HEATR4: variants seen among roughly 807,000 people sequenced by gnomAD.
HEATR4 encodes HEAT repeat-containing protein 4.
A neutral mutation model predicts 108.8 loss-of-function variants in HEATR4; 95 were observed. That is an observed-to-expected ratio of 0.87 (90% CI 0.74 to 1.04). HEATR4 has a LOEUF of 1.04. Among genes scored for constraint, HEATR4 ranks in the 50% least tolerant of loss-of-function variants. The pLI, the probability that HEATR4 is intolerant of heterozygous loss-of-function variation, is 0.00. For synonymous variants in HEATR4, 443 were observed against 459.4 expected, an observed-to-expected ratio of 0.96 and a Z score of 0.46; for missense variants, 1,152 against 1,253.8, an observed-to-expected ratio of 0.92 and a Z score of 1.23.
the HEATR4 span, among the ~76,000 whole-genome samples, chr14:73,579,063 C>T: frequency 2.1e-5 from 3 of 142,466 alleles, no homozygotes; most frequent in Non-Finnish European, 3.0e-5. Context: ...CTAGCCTAGG[C>T]GACAGCCAGC....
the HEATR4 span, among the ~76,000 whole-genome samples, chr14:73,611,347 A>T: frequency 6.6e-6 from 1 of 152,182 alleles, no homozygotes; most frequent in African/African-American, 2.4e-5. Context: ...TTCCTGCCAC[A>T]AACCATAGGT....
chr14:73,493,442 C>A, intron 16 of HEATR4: 1 of 275,024 alleles, frequency 3.6e-6, no homozygotes, highest in Non-Finnish European at 7.3e-6. Context: ...CGAAGAAATG[C>A]AGGAGCGGGA....
upstream of HEATR4, among the ~76,000 whole-genome samples, chr14:73,561,375 G>GA (rs1889529619): frequency 6.7e-6 from 1 of 148,180 alleles, no homozygotes; most frequent in African/African-American, 2.5e-5. Context: ...CAAAAAAAAA[G>GA]AAAGAAAAAA....
At chr14:73,575,150 A>C in the HEATR4 span, 1 of 1,234,042 alleles carries the variant, frequency 8.1e-7, no homozygotes, top group Non-Finnish European at 1.1e-6. Flanking sequence ...GCCCTTTGGA[A>C]GGACCTGACC....
intron 1 of HEATR4, among the ~76,000 whole-genome samples, chr14:73,558,050 C>T (rs1889427760): frequency 1.0e-5 from 1 of 99,368 alleles, no homozygotes; most frequent in Non-Finnish European, 2.2e-5. Flanking sequence ...CAGTAGCCTG[C>T]AAGTGAGGCC....
intron 1 of HEATR4, chr14:73,539,446 C>T (rs1488261668): frequency 8.2e-6 from 1 of 122,520 alleles, no homozygotes; most frequent in African/African-American, 2.8e-5. Context: ...TGCTGCTCTA[C>T]CCAGCGGTGC....
the HEATR4 span, among the ~76,000 whole-genome samples, chr14:73,585,836 T>G: frequency 2.0e-5 from 3 of 146,668 alleles, no homozygotes; most frequent in Non-Finnish European, 4.5e-5. Flanking sequence ...TTTTTTTTTT[T>G]TGAGATAAGA....
chr14:73,573,847 C>T, the HEATR4 span, among the ~76,000 whole-genome samples: 1 of 151,992 alleles, frequency 6.6e-6, no homozygotes, highest in African/African-American at 2.4e-5. Flanking sequence ...GTGCCCCACC[C>T]TCCCGAGTAG....
chr14:73,558,513 A>AT (rs66706377), intron 1 of HEATR4, among the ~76,000 whole-genome samples: 1,061 of 73,538 alleles, frequency 0.014, 19 homozygotes, highest in Admixed American at 0.025. Context: ...TCTCGGTTAA[A>AT]TTTTTTTTTT....
the HEATR4 span, among the ~76,000 whole-genome samples, chr14:73,596,719 C>A: frequency 1.3e-3 from 197 of 152,130 alleles, no homozygotes; most frequent in African/African-American, 4.7e-3. Context: ...CTGCCTCAGC[C>A]TCCCGAGTAG....
At chr14:73,486,085 T>C (rs891883788) in intron 17 of HEATR4, among the ~76,000 whole-genome samples, 7 of 152,198 alleles carry the variant, frequency 4.6e-5, no homozygotes, top group African/African-American at 1.7e-4. Flanking sequence ...AAATTTTGTA[T>C]TGATGAATTG....
At chr14:73,536,616 C>G (rs1272239361) in intron 1 of HEATR4, among the ~76,000 whole-genome samples, 2 of 111,438 alleles carry the variant, frequency 1.8e-5, no homozygotes, top group African/African-American at 5.9e-5. Context: ...ATTGGCCGGG[C>G]GCGGTGGCTC....
intron 17 of HEATR4, among the ~76,000 whole-genome samples, chr14:73,490,251 G>A (rs1270952038): frequency 6.6e-6 from 1 of 152,020 alleles, no homozygotes; most frequent in African/African-American, 2.4e-5. Context: ...TCAGCCTCCC[G>A]AGTAGCTGGG....
At chr14:73,589,989 C>T in the HEATR4 span, among the ~76,000 whole-genome samples, 2 of 152,180 alleles carry the variant, frequency 1.3e-5, no homozygotes, top group African/African-American at 4.8e-5. Flanking sequence ...AGCTGCGGAC[C>T]TTCGCAATGA....
rs371493329 is a variant in HEATR4, at chr14:73,500,650, T to C, written c.2186A>G (p.Lys729Arg). The C allele has an allele frequency of 1.9e-5, 30 of 1,614,192 alleles. No individual in the cohort carries two copies. The highest frequency in any genetic ancestry group is 3.3e-4 in the Middle Eastern group (2 of 6,060). ...GCAGTGCAGGAAGCTTGGGAGAAGC[T>C]TGGCGGTCATAAGCTTGAGCTCACC... ...LIGELKLMTAKLLPSFLHCFS... is the reference protein window; with the variant it reads ...LIGELKLMTARLLPSFLHCFS... Residue 729 changes from lysine (K) to arginine (R), a missense_variant, in exon 12 of 18, where the codon AAG (lysine) becomes AGG (arginine). Transcript: ENST00000553558.
intron 17 of HEATR4, among the ~76,000 whole-genome samples, chr14:73,485,126 T>G (rs1276994515): frequency 6.6e-6 from 1 of 151,122 alleles, no homozygotes; most frequent in East Asian, 2.0e-4. Context: ...ATTGCACCAC[T>G]GCACTCCAGC....
At chr14:73,497,255 G>C (rs1478821309) in intron 14 of HEATR4, among the ~76,000 whole-genome samples, 1 of 152,176 alleles carries the variant, frequency 6.6e-6, no homozygotes, top group East Asian at 1.9e-4. Context: ...GGCCAGGCTG[G>C]TCTAGAACTC....
the HEATR4 span, among the ~76,000 whole-genome samples, chr14:73,622,406 A>AAT: frequency 6.6e-6 from 1 of 151,966 alleles, no homozygotes; most frequent in Non-Finnish European, 1.5e-5. Context: ...ACCTGTCTCC[A>AAT]ATATATATAT....
rs570996539 is a variant in HEATR4, at chr14:73,548,952, T to C, written c.-152+9799A>G. Among the ~76,000 whole-genome samples the C allele has an allele frequency of 2.9e-3, 318 of 109,794 alleles. 66 individuals are homozygous for C. The highest frequency in any genetic ancestry group is 8.9e-3 in the African/African-American group (303 of 33,972). 72.0% of individuals were successfully genotyped at this position (109,794 alleles called of 152,430 possible). A position where few individuals can be genotyped will look rare whatever the true frequency, so the allele number is the denominator to read the frequency against. On this transcript the variant is annotated intron_variant, in intron 1 of 17. Coordinates refer to ENST00000553558, the MANE Select transcript of HEATR4 (RefSeq NM_001220484.1). ...CTCACATCTTTCTCTCTCTCTCTCTTTTTTTTTTTTCTGGTGGTGAGGACA... is the reference window on the plus strand; with the variant it reads ...CTCACATCTTTCTCTCTCTCTCTCTCTTTTTTTTTTCTGGTGGTGAGGACA...
Sources: allele counts gnomAD v4.1 joint callset (sites outside exome capture counted in the v4.1 genomes callset), GRCh38; gene constraint gnomAD v4.1.1; transcripts MANE v1.5; gene names NCBI Gene and HGNC (gene_info 2026-07-23, HGNC 2026-07-21).